Variants in ZNF8 observed in about 807,000 individuals in gnomAD.
The protein encoded by ZNF8 is zinc finger protein 272.
ZNF8 carries 9 observed loss-of-function variants against 12.2 expected under a neutral mutation model. That is an observed-to-expected ratio of 0.73 (90% CI 0.44 to 1.28). The LOEUF is 1.28. Ranked by LOEUF, ZNF8 falls within the 50% of genes most tolerant of loss-of-function variation. The pLI, the probability that ZNF8 is intolerant of heterozygous loss-of-function variation, is 0.00. For missense variants in ZNF8, 664 were observed against 729.1 expected, an observed-to-expected ratio of 0.91 and a Z score of 1.03; for synonymous variants, 274 against 282.3, an observed-to-expected ratio of 0.97 and a Z score of 0.30.
At position 58,295,330 on chromosome 19, in the gene ZNF8, A is replaced by G; in HGVS notation, c.1522A>G (p.Arg508Gly). 3 of 1,614,216 alleles carry G rather than the reference A, an allele frequency of 1.9e-6. No homozygotes were observed. The highest frequency in any genetic ancestry group is 2.5e-6 in the Non-Finnish European group (3 of 1,180,014). ...RSRRREQSSS[R>G]NSHLVQHQHP... ...CCGGCGGCGTGAACAATCCTCGAGCAGGAACTCACACCTGGTTCAGCATCA... is the reference window on the plus strand; with the variant it reads ...CCGGCGGCGTGAACAATCCTCGAGCGGGAACTCACACCTGGTTCAGCATCA... The change falls in exon 4 of 4, where the codon AGG becomes GGG. Residue 508 changes from arginine (R) to glycine (G), a missense_variant. By Grantham distance (125) the Arg-to-Gly change is moderately radical (BLOSUM62 -2). Around this residue, in one of 3 missense-constraint regions of ZNF8, gnomAD observed 225 missense variants for 222.0 expected, o/e 1.01. Coordinates refer to ENST00000621650, the MANE Select transcript of ZNF8 (RefSeq NM_021089.3).
At position 58,294,387 on chromosome 19, in the gene ZNF8, G is replaced by C; in HGVS notation, c.579G>C (p.Glu193Asp). ...VLSSSPNPFP[E>D]ISRGEYLYTY... ...GTTCAAGCCCAAATCCATTCCCAGAGATCTCTAGAGGGGAGTATTTGTATA... is the reference window on the plus strand; with the variant it reads ...GTTCAAGCCCAAATCCATTCCCAGACATCTCTAGAGGGGAGTATTTGTATA... Residue 193 changes from glutamate to aspartate, a missense_variant, in exon 4 of 4, where the codon GAG becomes GAC. By Grantham distance (45) the Glu-to-Asp change is conservative. Transcript: ENST00000621650. This position sits in a 1 kb window ranked among gnomAD's most constrained non-coding sequence, Gnocchi z 5.5. 4 of 1,614,094 alleles carry C rather than the reference G, an allele frequency of 2.5e-6. No homozygotes were observed. The highest frequency in any genetic ancestry group is 3.4e-6 in the Non-Finnish European group (4 of 1,180,024).
chr19:58,297,136 G>A lies in ZNF8; in HGVS notation c.*1600G>A, dbSNP rs2051460431. 1 of 152,078 alleles carries A rather than the reference G, an allele frequency of 6.6e-6. No homozygotes were observed. The highest frequency in any genetic ancestry group is 2.4e-5 in the African/African-American group (1 of 41,398). The allele number at this position is 152,078 out of a possible 1,614,324, so 9.4% of individuals were successfully genotyped here. Reference sequence around the variant, plus strand: ...ATTCTAGCTACCTGGGGGAGGCTGAGGCACGAGAATCGCTTGAACCTGGGA... The same window carrying A: ...ATTCTAGCTACCTGGGGGAGGCTGAAGCACGAGAATCGCTTGAACCTGGGA... On this transcript the variant is annotated 3_prime_UTR_variant, in exon 4 of 4. Transcript: ENST00000621650.
chr19:58,295,588 C>A lies in ZNF8; in HGVS notation c.*52C>A. 2.1e-6 allele frequency: 3 copies of A among 1,402,478 alleles called. No individual in the cohort carries two copies. The highest frequency in any genetic ancestry group is 2.9e-6 in the Non-Finnish European group (3 of 1,021,128). 86.9% of individuals were successfully genotyped at this position (1,402,478 alleles called of 1,614,324 possible). A position where few individuals can be genotyped will look rare whatever the true frequency, so the allele number is the denominator to read the frequency against. The stretch of plus-strand genomic sequence containing the variant: ...ACCACAAGTAAAAAATGTGGTAAGT[C>A]CACATAGTGTACTCATGGAAGGAGG... On this transcript the variant is annotated 3_prime_UTR_variant, in exon 4 of 4. Coordinates refer to ENST00000621650, the MANE Select transcript of ZNF8 (RefSeq NM_021089.3).
chr19:58,288,440 G>C (rs143320819), intron 3 of ZNF8, among the ~76,000 whole-genome samples: 117 of 152,198 alleles, frequency 7.7e-4, no homozygotes, highest in African/African-American at 2.8e-3. Context: ...GGAAGGAGGG[G>C]AAGAGGTAGG....
intron 2 of ZNF8, 71 bp from the exon 3 acceptor site, chr19:58,286,039 G>T: frequency 1.3e-6 from 2 of 1,526,412 alleles, no homozygotes; most frequent in Non-Finnish European, 1.8e-6. Flanking sequence ...TCGGGAGTCT[G>T]GTCTGGAGCC....
At chr19:58,285,963 G>A (rs1452142014) in intron 2 of ZNF8, 120 bp downstream of exon 2, 2 of 1,447,768 alleles carry the variant, frequency 1.4e-6, no homozygotes, top group South Asian at 2.6e-5. Context: ...TGAAGAGGGA[G>A]GTCTGCCCTT....
At chr19:58,285,010 C>G (rs2051374088) in intron 1 of ZNF8, among the ~76,000 whole-genome samples, 1 of 152,148 alleles carries the variant, frequency 6.6e-6, no homozygotes, top group South Asian at 2.1e-4. Flanking sequence ...CACCTCCAGT[C>G]CCACCACTCA....
rs779863682 is a variant in ZNF8, at chr19:58,294,473, G to C, written c.665G>C (p.Gly222Ala). 8.1e-6 allele frequency: 13 copies of C among 1,614,018 alleles called. No individual in the cohort carries two copies. Among genetic ancestry groups the C allele is most frequent in the African/African-American group, 1.3e-5 (1 of 74,880 alleles). Reference protein sequence around the residue: ...HNSSLVSQQTGSPGKQPGENS... With the variant: ...HNSSLVSQQTASPGKQPGENS... ...TCCAGCTTAGTCAGTCAGCAGACAG[G>C]CTCCCCAGGAAAACAGCCCGGTGAA... The change falls in exon 4 of 4, where the codon GGC (glycine) becomes GCC (alanine). Residue 222 changes from glycine to alanine, a missense_variant. Around this residue, in one of 3 missense-constraint regions of ZNF8, gnomAD observed 306 missense variants for 308.7 expected, o/e 0.99. Coordinates refer to ENST00000621650, the MANE Select transcript of ZNF8 (RefSeq NM_021089.3). This position sits in a 1 kb window ranked among gnomAD's most constrained non-coding sequence, Gnocchi z 5.5.
chr19:58,286,047 G>A, intron 2 of ZNF8, 63 bp from the exon 3 acceptor site: 2 of 1,549,132 alleles, frequency 1.3e-6, no homozygotes, highest in Middle Eastern at 1.9e-4. Context: ...CTGGTCTGGA[G>A]CCTGGGCTTG....
intron 3 of ZNF8, among the ~76,000 whole-genome samples, chr19:58,290,109 T>TC: frequency 5.4e-5 from 1 of 18,664 alleles, no homozygotes; most frequent in African/African-American, 1.5e-4. Context: ...TTCAAGATTC[T>TC]TTTTTTTTTT....
intron 3 of ZNF8, among the ~76,000 whole-genome samples, chr19:58,287,815 C>CT (rs1199892463): frequency 1.4e-5 from 2 of 143,940 alleles, no homozygotes; most frequent in African/African-American, 5.1e-5. Flanking sequence ...TTTTCTTTTT[C>CT]TTTTTTAAAA....
intron 1 of ZNF8, among the ~76,000 whole-genome samples, chr19:58,283,599 C>CTTTTT (rs34775791): frequency 8.1e-6 from 1 of 122,874 alleles, no homozygotes. Context: ...GAAATAAACT[C>CTTTTT]TTTTTTTTTT....
chr19:58,300,447 A>G lies in ZNF8; in HGVS notation c.*4911A>G, dbSNP rs207477290. On this transcript the variant is annotated 3_prime_UTR_variant, in exon 4 of 4. Transcript: ENST00000621650. ...CGCTGATGGTGTTTAAAGGAAAAAC[A>G]TTCCCAGAAGCCTGCAGCACATGCC... The G allele has an allele frequency of 6.6e-6, 1 of 152,282 alleles. No individual in the cohort carries two copies. The highest frequency in any genetic ancestry group is 1.9e-4 in the East Asian group (1 of 5,210). 9.4% of individuals were successfully genotyped at this position (152,282 alleles called of 1,614,324 possible).
At chr19:58,279,774 T>A in intron 1 of ZNF8, 1 of 1,483,900 alleles carries the variant, frequency 6.7e-7, no homozygotes, top group South Asian at 1.2e-5. Flanking sequence ...AGAGCTCCAC[T>A]TTCTAGACAA....
In ZNF8 at chr19:58,300,097, A is replaced by G. The variant is rs1022250627; in HGVS notation, c.*4561A>G. On this transcript the variant is annotated 3_prime_UTR_variant, in exon 4 of 4. Coordinates refer to ENST00000621650, the MANE Select transcript of ZNF8 (RefSeq NM_021089.3). ...TGCTGCACCCTCCGACACTGCCACA[A>G]TAATAGTTCTGTGAGTTAGTACCAT... 7 of 152,270 alleles carry G rather than the reference A, an allele frequency of 4.6e-5. No individual in the cohort carries two copies. Among genetic ancestry groups the G allele is most frequent in the South Asian group, 2.1e-4 (1 of 4,836 alleles). 9.4% of individuals were successfully genotyped at this position (152,270 alleles called of 1,614,324 possible). A position where few individuals can be genotyped will look rare whatever the true frequency, so the allele number is the denominator to read the frequency against.
intron 3 of ZNF8, among the ~76,000 whole-genome samples, chr19:58,287,857 C>G (rs1420908344): frequency 8.8e-6 from 1 of 113,556 alleles, no homozygotes; most frequent in Non-Finnish European, 1.8e-5. Context: ...TTTTTTCTTT[C>G]TTTCTTCCTT....
rs2051480063 is a variant in ZNF8, at chr19:58,299,721, A to G, written c.*4185A>G. 1 of 152,026 alleles carries G rather than the reference A, an allele frequency of 6.6e-6. No individual in the cohort carries two copies. Among genetic ancestry groups the G allele is most frequent in the South Asian group, 2.1e-4 (1 of 4,826 alleles). 9.4% of individuals were successfully genotyped at this position (152,026 alleles called of 1,614,324 possible). On this transcript the variant is annotated 3_prime_UTR_variant, in exon 4 of 4. Transcript: ENST00000621650. ...GAGGCAGAGCTTGCAGTGAGCTGAG[A>G]TAGTGCCTCTGCACTCCAGCCTGGG...
chr19:58,288,614 G>A (rs1334740869), intron 3 of ZNF8, among the ~76,000 whole-genome samples: 1 of 152,168 alleles, frequency 6.6e-6, no homozygotes, highest in Non-Finnish European at 1.5e-5. Flanking sequence ...GCTTGGGCGA[G>A]TCATGGTCCC....
chr19:58,293,912 A>G (rs976925688), intron 3 of ZNF8, among the ~76,000 whole-genome samples, 186 bp from the exon 4 acceptor site: 2 of 152,210 alleles, frequency 1.3e-5, no homozygotes, highest in Non-Finnish European at 2.9e-5. Flanking sequence ...GGTGCTCAAT[A>G]AATGTTTGTT....
Sources: gnomAD v4.1 joint callset for allele counts (sites outside exome capture counted in the v4.1 genomes callset) on GRCh38, gnomAD v4.1.1 for gene constraint, gnomAD v4.1.1 regional missense constraint, Gnocchi (gnomAD v3.1) non-coding constraint, MANE v1.5 for transcripts, NCBI Gene and HGNC (gene_info 2026-07-23, HGNC 2026-07-21) for gene names.